ARHGEF18: variants seen among roughly 807,000 people sequenced by gnomAD.
ARHGEF18 encodes Rho/Rac guanine nucleotide exchange factor 18, also known as rho guanine nucleotide exchange factor 18.
In ARHGEF18, 93 loss-of-function variants were observed where a neutral mutation model predicts 155.7. That is an observed-to-expected ratio of 0.60 (90% confidence interval 0.50 to 0.71). The LOEUF is 0.71. Among genes scored for constraint, ARHGEF18 ranks in the 30% least tolerant of loss-of-function variants. The probability of loss-of-function intolerance (pLI) is 0.00; values close to 1 mark genes in which losing one functional copy is unlikely to be tolerated. For synonymous variants in ARHGEF18, 742 were observed against 753.1 expected, an observed-to-expected ratio of 0.99 and a Z score of 0.24; for missense variants, 1,593 against 1,816.1, an observed-to-expected ratio of 0.88 and a Z score of 2.23.
intron 1 of ARHGEF18, among the ~76,000 whole-genome samples, chr19:7,357,748 T>G (rs967526587): frequency 1.3e-5 from 2 of 152,030 alleles, no homozygotes; most frequent in Non-Finnish European, 1.5e-5. Flanking sequence ...GGGGAAAGGG[T>G]GGGATTGGAC....
rs1439742396 is a variant in ARHGEF18, at chr19:7,467,367, G to A, written c.3163G>A (p.Ala1055Thr). ...CGAGAAGCAGCGGGAGGAGCGCGCG[G>A]CCCTGGAGAAGCTGCAGAGCCAGCT... ...NFEKQREERAALEKLQSQLRH... is the reference protein window; with the variant it reads ...NFEKQREERATLEKLQSQLRH... Residue 1055 changes from alanine to threonine, a missense_variant, in exon 26 of 29, where the codon GCC (alanine) becomes ACC (threonine). By Grantham distance (58) the Ala-to-Thr change is moderately conservative. Coordinates refer to ENST00000668164, the MANE Select transcript of ARHGEF18 (RefSeq NM_001367823.1). The A allele has an allele frequency of 1.3e-6, 2 of 1,534,052 alleles. No homozygotes were observed. The highest frequency in any genetic ancestry group is 1.7e-6 in the Non-Finnish European group (2 of 1,145,754).
At chr19:7,476,330 T>A (rs1308513681), downstream of ARHGEF18, among the ~76,000 whole-genome samples, 1 of 149,010 alleles carries the variant, frequency 6.7e-6, no homozygotes, top group South Asian at 2.1e-4. Flanking sequence ...ATCAAGGCAG[T>A]GCAATTGATA....
chr19:7,477,450 A>AGGG (rs1331544849), downstream of ARHGEF18: 1 of 1,419,688 alleles, frequency 7.0e-7, no homozygotes. Context: ...TGGGGCAGAG[A>AGGG]GGGGCCGCTT....
At position 7,463,912 on chromosome 19, in the gene ARHGEF18, T is replaced by C. The variant is rs746256048; in HGVS notation, c.2730T>C (p.Ala910=). ...GCTCCACAGGCCCGCCCAGGAGGGC[T>C]GAGACCTTCGCGGGCTACGACTGCA... ...GGSSTGPPRR[A]ETFAGYDCTN... The change falls in exon 22 of 29, where the codon GCT becomes GCC. Residue 910 remains alanine, a synonymous_variant. Coordinates refer to ENST00000668164, the MANE Select transcript of ARHGEF18 (RefSeq NM_001367823.1). This position sits in a 1 kb window ranked among gnomAD's most constrained non-coding sequence, Gnocchi z 5.2. The C allele has an allele frequency of 3.1e-6, 5 of 1,598,582 alleles. No homozygotes were observed. Among genetic ancestry groups the C allele is most frequent in the Non-Finnish European group, 3.4e-6 (4 of 1,173,228 alleles).
intron 10 of ARHGEF18, among the ~76,000 whole-genome samples, chr19:7,439,312 T>A (rs183166932): frequency 1.3e-5 from 2 of 151,490 alleles, no homozygotes; most frequent in African/African-American, 4.9e-5. Context: ...AAAATATTTT[T>A]AAATTATACA....
chr19:7,355,194 C>T (rs1969256928), intron 1 of ARHGEF18, among the ~76,000 whole-genome samples: 1 of 151,974 alleles, frequency 6.6e-6, no homozygotes, highest in East Asian at 1.9e-4. Flanking sequence ...TCAGAACTCA[C>T]CCTGAAACAC....
chr19:7,386,842 C>T (rs1971108581), intron 10 of ARHGEF18, among the ~76,000 whole-genome samples: 1 of 152,010 alleles, frequency 6.6e-6, no homozygotes, highest in Admixed American at 6.5e-5. Flanking sequence ...CTTCAGTGGC[C>T]CCTGTGTGAG....
In ARHGEF18 at chr19:7,468,828, C is replaced by A. The variant is rs1483780648; in HGVS notation, c.3484C>A (p.Gln1162Lys). 2 of 1,551,672 alleles carry A rather than the reference C, an allele frequency of 1.3e-6. No homozygotes were observed. Among genetic ancestry groups the A allele is most frequent in the Admixed American group, 1.9e-5 (1 of 53,514 alleles). Residue 1162 changes from glutamine to lysine, a missense_variant, in exon 27 of 29, where the codon CAG (glutamine) becomes AAG (lysine). Physicochemically the swap from Gln to Lys is moderately conservative, Grantham distance 53. Coordinates refer to ENST00000668164, the MANE Select transcript of ARHGEF18 (RefSeq NM_001367823.1). ...ALPPDTLAEAQPPSHPPSFNG... is the reference protein window; with the variant it reads ...ALPPDTLAEAKPPSHPPSFNG... The stretch of plus-strand genomic sequence containing the variant: ...GTATCTGCTGTTGTCCCCTCAGGCC[C>A]AGCCCCCAAGCCACCCTCCCAGCTT...
downstream of ARHGEF18, chr19:7,473,015 G>A (rs1161547080): frequency 6.6e-6 from 3 of 456,206 alleles, no homozygotes; most frequent in South Asian, 1.6e-5. Context: ...GGTGCCTGTG[G>A]AGGGTCCTGC....
intron 15 of ARHGEF18, among the ~76,000 whole-genome samples, chr19:7,450,312 G>A (rs1038742051): frequency 6.9e-5 from 7 of 100,894 alleles, no homozygotes; most frequent in African/African-American, 1.2e-4. Flanking sequence ...TTTCCAAGAC[G>A]TTAATACAGG....
At chr19:7,373,180 G>C (rs1023043685) in intron 3 of ARHGEF18, 109 bp downstream of exon 3, 18 of 1,214,702 alleles carry the variant, frequency 1.5e-5, no homozygotes, top group African/African-American at 3.1e-5. Flanking sequence ...CACCTGCCGT[G>C]GTCCCCAACC....
chr19:7,429,535 G>A (rs914482501), intron 10 of ARHGEF18, among the ~76,000 whole-genome samples: 3 of 152,116 alleles, frequency 2.0e-5, no homozygotes, highest in African/African-American at 4.8e-5. Flanking sequence ...CCCGGGAGGC[G>A]GAGGTTGCAG....
At chr19:7,349,269 G>A (rs1290287098) in intron 1 of ARHGEF18, 28 bp downstream of exon 1, 1 of 152,460 alleles carries the variant, frequency 6.6e-6, no homozygotes, top group East Asian at 1.9e-4. Flanking sequence ...GAAGTGGAGA[G>A]AGATGGACCC....
chr19:7,361,902 G>T (rs1311636403), intron 1 of ARHGEF18, among the ~76,000 whole-genome samples: 1 of 151,832 alleles, frequency 6.6e-6, no homozygotes, highest in Non-Finnish European at 1.5e-5. Context: ...TGAGGCAGGA[G>T]AATGGCTTGA....
intron 10 of ARHGEF18, among the ~76,000 whole-genome samples, chr19:7,417,828 T>C (rs1973109033): frequency 6.6e-6 from 1 of 151,028 alleles, no homozygotes; most frequent in African/African-American, 2.4e-5. Context: ...AGTGGGAGAG[T>C]GAAGGCTGGT....
At chr19:7,391,229 T>C (rs1224706715) in intron 10 of ARHGEF18, among the ~76,000 whole-genome samples, 1 of 151,810 alleles carries the variant, frequency 6.6e-6, no homozygotes, top group Non-Finnish European at 1.5e-5. Flanking sequence ...CTTTTAAAGG[T>C]ATTCAAAGTC....
rs746180410 is a variant in ARHGEF18 at position 7,403,553 on chromosome 19, CT to C, written c.967+20364del. On this transcript the variant is annotated intron_variant, in intron 10 of 28. Transcript: ENST00000668164. ...TTTTTCTTTCTTTCTTTCTTTCTTT[CT>C]TTTTTTTTTTTTTGAGACGGTCTTG... is the stretch of plus-strand genomic sequence containing the variant. Among the ~76,000 whole-genome samples the C allele has an allele frequency of 1.5e-3, 186 of 122,850 alleles. 2 individuals carry two copies. The highest frequency in any genetic ancestry group is 3.9e-3 in the Middle Eastern group (1 of 258). The allele number at this position is 122,850 out of a possible 152,430, so 80.6% of individuals were successfully genotyped here.
At chr19:7,456,237 C>T (rs1422498544) in intron 17 of ARHGEF18, 90 bp from the exon 18 acceptor site, 13 of 1,175,446 alleles carry the variant, frequency 1.1e-5, no homozygotes, top group Non-Finnish European at 1.3e-5. Flanking sequence ...CTGCTTACAC[C>T]TTCCTGGGAA....
At chr19:7,431,782 C>G (rs1401541131) in intron 10 of ARHGEF18, among the ~76,000 whole-genome samples, 1 of 152,224 alleles carries the variant, frequency 6.6e-6, no homozygotes, top group Non-Finnish European at 1.5e-5. Context: ...CCATTGTGCT[C>G]CAGCCTGGGC....
Sources: gnomAD v4.1 joint callset for allele counts (sites outside exome capture counted in the v4.1 genomes callset) on GRCh38, gnomAD v4.1.1 for gene constraint, Gnocchi (gnomAD v3.1) non-coding constraint, MANE v1.5 for transcripts, NCBI Gene and HGNC (gene_info 2026-07-23, HGNC 2026-07-21) for gene names.